Variants in TTLL13 observed in about 807,000 individuals in gnomAD.
TTLL13 encodes tubulin polyglutamylase TTLL13.
the TTLL13 span, chr15:90,263,419 T>C: frequency 5.0e-5 from 24 of 480,326 alleles, no homozygotes; most frequent in Admixed American, 3.7e-4. Flanking sequence ...TGTCCCAAAA[T>C]AACCCCACAC....
chr15:90,263,641 G>A, the TTLL13 span: 2 of 598,856 alleles, frequency 3.3e-6, no homozygotes, highest in Non-Finnish European at 6.0e-6. Context: ...TTAAATAGTG[G>A]CCGCGGCCTA....
At chr15:90,261,419 C>T in the TTLL13 span, among the ~76,000 whole-genome samples, 1 of 145,088 alleles carries the variant, frequency 6.9e-6, no homozygotes, top group Admixed American at 7.1e-5. Context: ...AATATCAAAA[C>T]ATATGTTACT....
At chr15:90,256,278 G>A in the TTLL13 span, 1 of 1,614,164 alleles carries the variant, frequency 6.2e-7, no homozygotes, top group African/African-American at 1.3e-5. Flanking sequence ...CATATGATCT[G>A]CCAGCAATAC....
the TTLL13 span, chr15:90,264,096 T>A: frequency 3.6e-5 from 47 of 1,315,976 alleles, no homozygotes; most frequent in East Asian, 7.5e-5. Context: ...TTTTGACATA[T>A]GTAAATCCCA....
chr15:90,254,382 A>G, the TTLL13 span, among the ~76,000 whole-genome samples: 1 of 148,634 alleles, frequency 6.7e-6, no homozygotes, highest in Non-Finnish European at 1.5e-5. Flanking sequence ...AATCCCAGCT[A>G]TTTAGGAGGC....
chr15:90,264,867 T>G, the TTLL13 span: 20 of 1,535,816 alleles, frequency 1.3e-5, no homozygotes, highest in African/African-American at 2.3e-4. Flanking sequence ...CCCTCCATGG[T>G]AAACTCTGAA....
the TTLL13 span, among the ~76,000 whole-genome samples, chr15:90,252,959 T>C: frequency 6.6e-6 from 1 of 152,098 alleles, no homozygotes; most frequent in Non-Finnish European, 1.5e-5. Context: ...GCCAAGACCG[T>C]GCCACTGCAC....
chr15:90,261,919 A>G, the TTLL13 span: 1 of 1,104,916 alleles, frequency 9.1e-7, no homozygotes, highest in Admixed American at 3.2e-5. Flanking sequence ...AGCCAGCAGG[A>G]GGGTCTCCAA....
chr15:90,251,025 T>G, the TTLL13 span: 1 of 1,186,628 alleles, frequency 8.4e-7, no homozygotes, highest in South Asian at 1.5e-5. Flanking sequence ...GGAGTGTCAT[T>G]AACCCTTTGA....
At chr15:90,251,714 T>C in the TTLL13 span, 54 of 1,092,168 alleles carry the variant, frequency 4.9e-5, no homozygotes, top group African/African-American at 7.7e-4. Flanking sequence ...CGGGCTTGCC[T>C]CTAACCTGTA....
the TTLL13 span, chr15:90,262,011 A>G: frequency 6.5e-7 from 1 of 1,532,514 alleles, no homozygotes; most frequent in East Asian, 2.4e-5. Context: ...CACAGGAAAG[A>G]AAAAACTGAG....
chr15:90,257,297 A>G, the TTLL13 span: 10 of 1,600,896 alleles, frequency 6.2e-6, no homozygotes, highest in African/African-American at 1.3e-5. Context: ...GGGACTGGGA[A>G]GCACTCTTCT....
At chr15:90,262,368 T>C in the TTLL13 span, 2 of 1,187,364 alleles carry the variant, frequency 1.7e-6, no homozygotes, top group Admixed American at 5.9e-5. Flanking sequence ...TCCCCTCTCA[T>C]TGCTCTCGCA....
the TTLL13 span, chr15:90,263,537 G>A: frequency 1.3e-5 from 7 of 549,494 alleles, no homozygotes; most frequent in Admixed American, 2.2e-4. Flanking sequence ...AACAGATTTG[G>A]GCCAACAAAA....
the TTLL13 span, chr15:90,264,673 T>C: frequency 3.3e-6 from 5 of 1,522,882 alleles, no homozygotes. Context: ...GGTGAACAAA[T>C]CTCTTCTGTG....
the TTLL13 span, chr15:90,265,348 T>C: frequency 8.2e-7 from 1 of 1,218,922 alleles, no homozygotes; most frequent in Non-Finnish European, 1.0e-6. Flanking sequence ...GCTGTCGCCG[T>C]CAGAAGACTG....
chr15:90,264,835 C>T, the TTLL13 span: 11 of 1,535,944 alleles, frequency 7.2e-6, no homozygotes, highest in Non-Finnish European at 7.8e-6. Flanking sequence ...TGGCATCTGA[C>T]TCATGGACTG....
At chr15:90,257,180 G>A in the TTLL13 span, 29 of 1,613,800 alleles carry the variant, frequency 1.8e-5, no homozygotes, top group Admixed American at 2.7e-4. Flanking sequence ...GCGAGTCTAC[G>A]TCCTGATCAC....
chr15:90,258,927 G>A, the TTLL13 span: 11 of 1,614,050 alleles, frequency 6.8e-6, no homozygotes, highest in Admixed American at 5.0e-5. Context: ...CGAGAATCTA[G>A]GTGTGCTAGG....
Sources: gnomAD v4.1 joint callset for allele counts (sites outside exome capture counted in the v4.1 genomes callset) on GRCh38, gnomAD v4.1.1 for gene constraint, MANE v1.5 for transcripts, NCBI Gene and HGNC (gene_info 2026-07-23, HGNC 2026-07-21) for gene names.